Variants in TLK2 observed in about 807,000 individuals in gnomAD.
The protein encoded by TLK2 is tousled like kinase 2.
In TLK2, 6 loss-of-function variants were observed where a neutral mutation model predicts 117.3. The ratio of observed to expected loss-of-function variants is 0.05; its 90% CI spans 0.03 to 0.10. The LOEUF is 0.10. Ranked by LOEUF, TLK2 falls within the 10% of genes least tolerant of loss-of-function variation. The pLI is 1.00. For synonymous variants in TLK2, 257 were observed against 316.7 expected, an observed-to-expected ratio of 0.81 and a Z score of 2.00; for missense variants, 299 against 901.2, an observed-to-expected ratio of 0.33 and a Z score of 8.56.
chr17:62,581,314 A>G (rs1197271340), intron 15 of TLK2, among the ~76,000 whole-genome samples: 1 of 152,144 alleles, frequency 6.6e-6, no homozygotes, highest in Non-Finnish European at 1.5e-5. Context: ...TGATTTTATT[A>G]AGTATATGTT....
intron 2 of TLK2, among the ~76,000 whole-genome samples, chr17:62,486,546 T>C (rs2072414927): frequency 6.6e-6 from 1 of 152,200 alleles, no homozygotes; most frequent in Non-Finnish European, 1.5e-5. Flanking sequence ...CTTGAATTCA[T>C]ATGTTTTCAA....
rs371561194 is a variant in TLK2, at chr17:62,609,424, C to T, written c.2079+1276C>T. On this transcript the variant is annotated intron_variant, in intron 21 of 21. Transcript: ENST00000346027. ...TCTTTCTTCGGTGTTTGATCTCTGC[C>T]GTTCCCTCACAGTGTACCTATGTGA... is the stretch of plus-strand genomic sequence containing the variant. Among the ~76,000 whole-genome samples, 103 of 152,214 alleles carry T rather than the reference C, an allele frequency of 6.8e-4. No homozygotes were observed. In the South Asian group the frequency reaches 7.5e-3, roughly 11 times the overall value.
chr17:62,589,812 T>C (rs925179670), intron 16 of TLK2, among the ~76,000 whole-genome samples: 2 of 151,996 alleles, frequency 1.3e-5, no homozygotes, highest in Non-Finnish European at 2.9e-5. Flanking sequence ...TTTTGTTTGT[T>C]TTTTGTTTTT....
chr17:62,474,360 G>A (rs963117552), upstream of TLK2, among the ~76,000 whole-genome samples: 4 of 150,784 alleles, frequency 2.7e-5, no homozygotes, highest in African/African-American at 9.8e-5. Context: ...TTACAAGCAT[G>A]AGCCACCGCG....
chr17:62,584,695 ATAT>A (rs2081483870), intron 15 of TLK2, among the ~76,000 whole-genome samples: 2 of 152,138 alleles, frequency 1.3e-5, no homozygotes, highest in Admixed American at 6.5e-5. Context: ...GTGAAATAAG[ATAT>A]TATGTCTGAA....
intron 19 of TLK2, 43 bp from the exon 20 acceptor site, chr17:62,606,087 T>C (rs745954963): frequency 7.7e-5 from 70 of 905,410 alleles, no homozygotes; most frequent in Non-Finnish European, 1.0e-4. Context: ...CTTAAACTTA[T>C]ATGATCATTA....
intron 2 of TLK2, among the ~76,000 whole-genome samples, chr17:62,493,117 C>G (rs1045464092): frequency 3.9e-5 from 6 of 151,900 alleles, no homozygotes; most frequent in Non-Finnish European, 7.4e-5. Flanking sequence ...ACAATGACAA[C>G]GAAAAAACCT....
chr17:62,484,901 C>A (rs544632123), intron 2 of TLK2, among the ~76,000 whole-genome samples: 1 of 152,080 alleles, frequency 6.6e-6, no homozygotes, highest in Non-Finnish European at 1.5e-5. Flanking sequence ...TTAAAAAATA[C>A]AAAAAATTAG....
At chr17:62,567,853 A>G (rs1241073170) in intron 11 of TLK2, among the ~76,000 whole-genome samples, 1 of 151,944 alleles carries the variant, frequency 6.6e-6, no homozygotes, top group Non-Finnish European at 1.5e-5. Flanking sequence ...TCTTTTTTTG[A>G]GTGATCTTTA....
At chr17:62,612,210 G>C in intron 21 of TLK2, 182 bp from the exon 22 acceptor site, 1 of 561,420 alleles carries the variant, frequency 1.8e-6, no homozygotes, top group Non-Finnish European at 3.1e-6. Flanking sequence ...AGGTACTTCT[G>C]TTGGTGCTTC....
chr17:62,478,392 G>T (rs955487773), upstream of TLK2, among the ~76,000 whole-genome samples: 2 of 150,478 alleles, frequency 1.3e-5, no homozygotes, highest in Non-Finnish European at 3.0e-5. Context: ...GGGCGGCCAA[G>T]CCCCTTCAGC....
intron 11 of TLK2, among the ~76,000 whole-genome samples, chr17:62,566,637 G>A (rs551272369): frequency 6.6e-6 from 1 of 152,294 alleles, no homozygotes; most frequent in South Asian, 2.1e-4. Flanking sequence ...AGGTATCAGG[G>A]CAGTGTAAAC....
chr17:62,482,453 GT>G (rs539773483), intron 2 of TLK2, among the ~76,000 whole-genome samples: 437 of 139,572 alleles, frequency 3.1e-3, no homozygotes, highest in African/African-American at 9.6e-3. Flanking sequence ...ATAGGGTTTT[GT>G]TTTTTTTTTT....
chr17:62,504,791 G>C (rs1384991852), intron 2 of TLK2, among the ~76,000 whole-genome samples: 3 of 152,132 alleles, frequency 2.0e-5, no homozygotes, highest in Admixed American at 1.3e-4. Context: ...CTGGGCGACA[G>C]AGTGAGACCT....
At chr17:62,493,628 G>C (rs957100818) in intron 2 of TLK2, among the ~76,000 whole-genome samples, 9 of 152,220 alleles carry the variant, frequency 5.9e-5, no homozygotes, top group Admixed American at 5.9e-4. Context: ...AAAAGCTTTA[G>C]AAGTCTTAGA....
rs567181567 is a variant in TLK2 at position 62,486,042 on chromosome 17, G to C, written c.81+4836G>C. ...TCACCGTGTTAGCCAGGATGGTCTC[G>C]ATCTCCTGACCTCGTGATCTGCCCA... On this transcript the variant is annotated intron_variant, in intron 2 of 21. Transcript: ENST00000346027. 4.0e-5 allele frequency among the ~76,000 whole-genome samples: 6 copies of C among 150,780 alleles called. No individual in the cohort carries two copies. The East Asian group carries it at 7.9e-4, about 20-fold the overall frequency.
At chr17:62,559,390 T>A (rs1473489750) in intron 9 of TLK2, among the ~76,000 whole-genome samples, 17 of 151,886 alleles carry the variant, frequency 1.1e-4, no homozygotes, top group Admixed American at 1.0e-3. Flanking sequence ...TTTTTATTTT[T>A]TTTTTTGAGA....
At chr17:62,480,031 A>G (rs1358348644) in intron 1 of TLK2, among the ~76,000 whole-genome samples, 6 of 152,178 alleles carry the variant, frequency 3.9e-5, no homozygotes, top group African/African-American at 1.4e-4. Flanking sequence ...CTGCACTTGC[A>G]TGTGTGGGTG....
At chr17:62,586,036 T>C (rs1356668101) in intron 15 of TLK2, 99 bp from the exon 16 acceptor site, 1 of 828,054 alleles carries the variant, frequency 1.2e-6, no homozygotes, top group African/African-American at 1.7e-5. Context: ...ATAATGTATT[T>C]TGGACTTTGA....
Sources: gnomAD v4.1 joint callset for allele counts (sites outside exome capture counted in the v4.1 genomes callset) on GRCh38, gnomAD v4.1.1 for gene constraint, MANE v1.5 for transcripts, NCBI Gene and HGNC (gene_info 2026-07-23, HGNC 2026-07-21) for gene names.